ARHGAP15: variants seen among roughly 807,000 people sequenced by gnomAD.
ARHGAP15 encodes Rho GTPase activating protein 15, also known as rho GTPase-activating protein 15.
In ARHGAP15, 51 loss-of-function variants were observed where a neutral mutation model predicts 63.7. The observed-to-expected ratio is 0.80, with a 90% CI of 0.64 to 1.01. The LOEUF (loss-of-function observed/expected upper bound fraction) is 1.01. Ranked by LOEUF, ARHGAP15 falls within the 50% of genes least tolerant of loss-of-function variation. ARHGAP15 has a pLI of 0.00. For synonymous variants in ARHGAP15, 191 were observed against 193.8 expected, an observed-to-expected ratio of 0.99 and a Z score of 0.12; for missense variants, 560 against 564.6, an observed-to-expected ratio of 0.99 and a Z score of 0.08.
At chr2:143,604,025 A>G (rs1053384978) in intron 11 of ARHGAP15, among the ~76,000 whole-genome samples, 3 of 152,232 alleles carry the variant, frequency 2.0e-5, no homozygotes, top group African/African-American at 7.2e-5. Context: ...TTGGCTGAAT[A>G]TCAAAAACCA....
intron 5 of ARHGAP15, among the ~76,000 whole-genome samples, chr2:143,238,637 A>C (rs1199304929): frequency 6.6e-6 from 1 of 152,218 alleles, no homozygotes; most frequent in Non-Finnish European, 1.5e-5. Context: ...CACTGTGGTG[A>C]TTCCTCAAAG....
At chr2:143,652,321 T>C (rs1681210560) in intron 12 of ARHGAP15, among the ~76,000 whole-genome samples, 1 of 152,028 alleles carries the variant, frequency 6.6e-6, no homozygotes, top group African/African-American at 2.4e-5. Context: ...GGCAATATGA[T>C]ATGACTGTGT....
intron 6 of ARHGAP15, among the ~76,000 whole-genome samples, chr2:143,340,538 T>TTA (rs10664700): frequency 1.3e-5 from 2 of 151,628 alleles, no homozygotes; most frequent in South Asian, 2.1e-4. Context: ...TTTTTTTTTT[T>TTA]AATAAATTTT....
chr2:143,492,410 T>C (rs888517493), intron 9 of ARHGAP15, among the ~76,000 whole-genome samples: 13 of 152,310 alleles, frequency 8.5e-5, no homozygotes, highest in Non-Finnish European at 1.5e-4. Context: ...ACAAACTTAT[T>C]TTACTTTACT....
chr2:143,260,015 C>T (rs1680639959), intron 6 of ARHGAP15, among the ~76,000 whole-genome samples: 1 of 151,994 alleles, frequency 6.6e-6, no homozygotes, highest in African/African-American at 2.4e-5. Flanking sequence ...AGTTATCAGT[C>T]ACTGAATTTG....
chr2:143,766,864 C>T (rs189878017), intron 13 of ARHGAP15: 1 of 152,278 alleles, frequency 6.6e-6, no homozygotes, highest in East Asian at 1.9e-4. Context: ...GCAGGGACTA[C>T]TATAATACCA....
At chr2:143,397,430 A>G (rs532819477) in intron 6 of ARHGAP15, among the ~76,000 whole-genome samples, 1 of 151,666 alleles carries the variant, frequency 6.6e-6, no homozygotes, top group South Asian at 2.1e-4. Flanking sequence ...TGCATGAACA[A>G]TTTTTTATGT....
At chr2:143,397,607 C>T (rs1295979424) in intron 6 of ARHGAP15, among the ~76,000 whole-genome samples, 2 of 151,834 alleles carry the variant, frequency 1.3e-5, no homozygotes, top group Admixed American at 1.3e-4. Flanking sequence ...TTTTTACTTG[C>T]AGTCTTCTCA....
chr2:143,680,021 TAAA>T lies in ARHGAP15; in HGVS notation c.1139-23370_1139-23368del, dbSNP rs55927433. ...TGTTTCTGGTCCATAAGTAAATGAT[TAAA>T]AAAAAAAAAAAAAAAAAAAAAAAAA... On this transcript the variant is annotated intron_variant, in intron 12 of 13. Transcript: ENST00000295095. 2.3e-3 allele frequency among the ~76,000 whole-genome samples: 229 copies of T among 101,556 alleles called. 1 individual carries two copies. Among genetic ancestry groups the T allele is most frequent in the African/African-American group, 9.7e-3 (216 of 22,238 alleles). 66.6% of individuals were successfully genotyped at this position (101,556 alleles called of 152,430 possible). A position where few individuals can be genotyped will look rare whatever the true frequency, so the allele number is the denominator to read the frequency against.
At chr2:143,506,090 T>C (rs761803967) in intron 9 of ARHGAP15, among the ~76,000 whole-genome samples, 17 of 152,348 alleles carry the variant, frequency 1.1e-4, no homozygotes, top group Non-Finnish European at 2.2e-4. Flanking sequence ...TGCAAATAAA[T>C]TGAAGTCGTA....
chr2:143,416,848 C>CG (rs1688711321), intron 6 of ARHGAP15, among the ~76,000 whole-genome samples: 3 of 141,204 alleles, frequency 2.1e-5, no homozygotes, highest in African/African-American at 7.8e-5. Flanking sequence ...CCCCCACGCC[C>CG]CCACGCCCCC....
chr2:143,225,823 A>G (rs1693190680), intron 4 of ARHGAP15, among the ~76,000 whole-genome samples: 1 of 152,196 alleles, frequency 6.6e-6, no homozygotes, highest in Non-Finnish European at 1.5e-5. Context: ...CTAGATGATC[A>G]GGTTTACGCT....
intron 5 of ARHGAP15, 147 bp downstream of exon 5, chr2:143,228,815 C>A: frequency 1.8e-6 from 1 of 545,586 alleles, no homozygotes; most frequent in Non-Finnish European, 3.1e-6. Context: ...AACTTTTAAT[C>A]AGATGAAGGG....
At chr2:143,609,781 G>A (rs1177446276) in intron 11 of ARHGAP15, among the ~76,000 whole-genome samples, 4 of 152,112 alleles carry the variant, frequency 2.6e-5, no homozygotes, top group Non-Finnish European at 5.9e-5. Context: ...ACTAGATTGG[G>A]CCAACGAGAG....
intron 6 of ARHGAP15, among the ~76,000 whole-genome samples, chr2:143,419,230 AT>A (rs764160952): frequency 2.0e-5 from 3 of 152,144 alleles, no homozygotes; most frequent in Non-Finnish European, 2.9e-5. Flanking sequence ...TTCACAAAGT[AT>A]ATAATGTGTT....
intron 6 of ARHGAP15, among the ~76,000 whole-genome samples, chr2:143,363,764 T>G (rs922566998): frequency 6.6e-6 from 1 of 152,170 alleles, no homozygotes; most frequent in African/African-American, 2.4e-5. Context: ...TGATTTATCG[T>G]CTCCAAACTC....
intron 12 of ARHGAP15, among the ~76,000 whole-genome samples, chr2:143,673,722 T>TTGTTTG (rs1682651350): frequency 1.8e-5 from 1 of 54,666 alleles, no homozygotes; most frequent in South Asian, 9.1e-4. Flanking sequence ...AGGCCTTATA[T>TTGTTTG]TGTGTGTGTG....
intron 13 of ARHGAP15, among the ~76,000 whole-genome samples, chr2:143,720,838 G>A (rs1480482508): frequency 1.3e-5 from 2 of 152,080 alleles, no homozygotes; most frequent in Non-Finnish European, 2.9e-5. Context: ...TGGAGGCCGA[G>A]GCGGGCGGAT....
At chr2:143,491,615 G>T (rs572594199) in intron 9 of ARHGAP15, among the ~76,000 whole-genome samples, 30 of 152,278 alleles carry the variant, frequency 2.0e-4, no homozygotes, top group African/African-American at 6.7e-4. Flanking sequence ...TTATGATAAG[G>T]AGAAGTGCTT....
Sources: gnomAD v4.1 joint callset for allele counts (sites outside exome capture counted in the v4.1 genomes callset) on GRCh38, gnomAD v4.1.1 for gene constraint, MANE v1.5 for transcripts, NCBI Gene and HGNC (gene_info 2026-07-23, HGNC 2026-07-21) for gene names.